Variants in SRGAP2C observed in about 807,000 individuals in gnomAD.
SRGAP2C encodes the protein SLIT-ROBO Rho GTPase activating protein 2C, also known as SLIT-ROBO Rho GTPase-activating protein 2C.
In SRGAP2C, 15 loss-of-function variants were observed where a neutral mutation model predicts 25.1. The ratio of observed to expected loss-of-function variants is 0.60; its 90% CI spans 0.40 to 0.92. The LOEUF (loss-of-function observed/expected upper bound fraction) is 0.92, where lower values mean the gene tolerates loss of function less well. Ranked by LOEUF, SRGAP2C falls within the 40% of genes least tolerant of loss-of-function variation. The pLI is 0.00. For synonymous variants in SRGAP2C, 44 were observed against 96.6 expected (o/e 0.46, Z 3.19); for missense variants, 144 against 264.4 (o/e 0.54, Z 3.16).
chr1:121,221,845 T>C (rs1553325701), intron 2 of SRGAP2C, among the ~76,000 whole-genome samples: 1 of 150,990 alleles, frequency 6.6e-6, no homozygotes, highest in Non-Finnish European at 1.5e-5. Flanking sequence ...CATGTCTGTG[T>C]AAATGTGCTG....
intron 2 of SRGAP2C, among the ~76,000 whole-genome samples, chr1:121,237,466 A>G (rs1655987047): frequency 6.6e-6 from 1 of 152,182 alleles, no homozygotes; most frequent in African/African-American, 2.4e-5. Flanking sequence ...TCATTGTATC[A>G]ACTGGGAGAT....
intron 7 of SRGAP2C, among the ~76,000 whole-genome samples, chr1:121,379,152 A>T (rs1221956754): frequency 6.6e-6 from 1 of 152,220 alleles, no homozygotes; most frequent in Non-Finnish European, 1.5e-5. Flanking sequence ...ACATGAGGGA[A>T]CTTGGCTGTT....
At chr1:121,221,909 C>T (rs1344282013) in intron 2 of SRGAP2C, among the ~76,000 whole-genome samples, 1 of 151,934 alleles carries the variant, frequency 6.6e-6, no homozygotes, top group African/African-American at 2.4e-5. Context: ...ATGGAGCTGG[C>T]TCCTTGAAAT....
At chr1:121,228,672 A>G (rs2101464963) in intron 2 of SRGAP2C, among the ~76,000 whole-genome samples, 1 of 152,004 alleles carries the variant, frequency 6.6e-6, no homozygotes, top group Non-Finnish European at 1.5e-5. Context: ...ATCTCTTCTA[A>G]TAGATGGGCA....
chr1:121,372,360 T>C (rs1461257580), intron 5 of SRGAP2C, among the ~76,000 whole-genome samples: 2 of 151,798 alleles, frequency 1.3e-5, no homozygotes, highest in Non-Finnish European at 2.9e-5. Context: ...CATGGGATGT[T>C]CAGCAGCATC....
At chr1:121,295,972 G>C (rs1657591035) in intron 3 of SRGAP2C, among the ~76,000 whole-genome samples, 2 of 151,938 alleles carry the variant, frequency 1.3e-5, no homozygotes, top group Admixed American at 1.3e-4. Context: ...TGTTGGTCAG[G>C]TTGGTCTTGA....
At chr1:121,186,447 A>C in intron 1 of SRGAP2C, among the ~76,000 whole-genome samples, 1 of 95,628 alleles carries the variant, frequency 1.0e-5, no homozygotes, top group Admixed American at 1.1e-4. Flanking sequence ...AACAACTGGG[A>C]GGAGGGGCGG....
intron 2 of SRGAP2C, among the ~76,000 whole-genome samples, chr1:121,257,971 G>T (rs1242549527): frequency 1.4e-5 from 2 of 142,634 alleles, no homozygotes; most frequent in Non-Finnish European, 3.1e-5. Flanking sequence ...GGGTGGGGGG[G>T]TGGGGTAGGG....
intron 8 of SRGAP2C, among the ~76,000 whole-genome samples, chr1:121,385,689 TAAC>T (rs1233667403): frequency 6.6e-6 from 1 of 152,106 alleles, no homozygotes; most frequent in Non-Finnish European, 1.5e-5. Context: ...GGACGAACGG[TAAC>T]AAGGTGACAG....
intron 4 of SRGAP2C, among the ~76,000 whole-genome samples, chr1:121,363,048 G>GAAGA (rs202195766): frequency 0.043 from 6,438 of 150,350 alleles, 466 homozygotes; most frequent in African/African-American, 0.15. Context: ...AAGCCAGGCA[G>GAAGA]AAGATCATGT....
chr1:121,265,105 A>G (rs1327570725), intron 2 of SRGAP2C, among the ~76,000 whole-genome samples: 2 of 104,818 alleles, frequency 1.9e-5, no homozygotes, highest in African/African-American at 3.8e-5. Context: ...GCTGAGGCTC[A>G]CTAGAATTGC....
At chr1:121,259,777 C>T (rs1430581311) in intron 2 of SRGAP2C, among the ~76,000 whole-genome samples, 6 of 148,514 alleles carry the variant, frequency 4.0e-5, no homozygotes, top group African/African-American at 1.5e-4. Flanking sequence ...CAGTAAGGAG[C>T]ATCAAGAATG....
chr1:121,381,816 A>C (rs1322720483), intron 7 of SRGAP2C, among the ~76,000 whole-genome samples: 1 of 151,856 alleles, frequency 6.6e-6, no homozygotes, highest in Non-Finnish European at 1.5e-5. Flanking sequence ...GGGCAGCTTC[A>C]GTGCCAGCTC....
At chr1:121,224,852 G>T (rs1345351322) in intron 2 of SRGAP2C, among the ~76,000 whole-genome samples, 2 of 151,368 alleles carry the variant, frequency 1.3e-5, no homozygotes, top group African/African-American at 4.9e-5. Flanking sequence ...CAAGTGAAAA[G>T]GATGTGTACA....
intron 2 of SRGAP2C, among the ~76,000 whole-genome samples, chr1:121,199,572 C>T (rs1654925086): frequency 1.3e-5 from 1 of 78,410 alleles, no homozygotes; most frequent in Non-Finnish European, 2.5e-5. Context: ...AGGCAGATCA[C>T]CTAAGGTCAG....
intron 2 of SRGAP2C, among the ~76,000 whole-genome samples, chr1:121,216,567 C>T (rs1452229333): frequency 6.8e-6 from 1 of 146,934 alleles, no homozygotes; most frequent in South Asian, 2.2e-4. Context: ...CCATTTTCCA[C>T]TTAGGCTTCA....
chr1:121,188,096 G>T (rs587737369), intron 2 of SRGAP2C, among the ~76,000 whole-genome samples: 1 of 152,292 alleles, frequency 6.6e-6, no homozygotes, highest in African/African-American at 2.4e-5. Flanking sequence ...TACAATCAGA[G>T]ATCAGAGAAT....
Position 121,387,982 on chromosome 1 carries a change from C to T in SRGAP2C, c.*127C>T, listed in dbSNP as rs868983226. The stretch of plus-strand genomic sequence containing the variant: ...GGCATACTCAGAGACCATCCCTACA[C>T]TTAAAGGTGCAAACATTAAAAGTTG... On this transcript the variant is annotated 3_prime_UTR_variant, in exon 10 of 10. Transcript: ENST00000367123. The T allele has an allele frequency of 4.4e-6, 3 of 683,598 alleles. No individual in the cohort carries two copies. The highest frequency in any genetic ancestry group is 2.7e-6 in the Non-Finnish European group (1 of 373,654). 42.3% of individuals were successfully genotyped at this position (683,598 alleles called of 1,614,324 possible).
chr1:121,355,152 C>G (rs1250289452), intron 4 of SRGAP2C, among the ~76,000 whole-genome samples: 1 of 141,964 alleles, frequency 7.0e-6, no homozygotes, highest in Non-Finnish European at 1.5e-5. Flanking sequence ...AAAATGGGAA[C>G]TAGATAAATC....
Sources: gnomAD v4.1 joint callset for allele counts (sites outside exome capture counted in the v4.1 genomes callset) on GRCh38, gnomAD v4.1.1 for gene constraint, MANE v1.5 for transcripts, NCBI Gene and HGNC (gene_info 2026-07-23, HGNC 2026-07-21) for gene names.